The following SEMA6D variants were observed in gnomAD, a reference collection of about 807,000 sequenced individuals.
SEMA6D encodes the protein semaphorin 6D, also known as semaphorin-6D.
SEMA6D carries 35 observed loss-of-function variants against 106.6 expected under a neutral mutation model. That is an observed-to-expected ratio of 0.33 (90% CI 0.25 to 0.44). The LOEUF is 0.44. Among genes scored for constraint, SEMA6D ranks in the 20% least tolerant of loss-of-function variants. SEMA6D has a pLI of 1.00. For synonymous variants in SEMA6D, 499 were observed against 487.7 expected (o/e 1.02, Z -0.31); for missense variants, 1,185 against 1,345.9 (o/e 0.88, Z 1.87).
At chr15:47,581,308 A>G (rs763337076) in intron 3 of SEMA6D, 12 of 483,484 alleles carry the variant, frequency 2.5e-5, no homozygotes, top group Non-Finnish European at 4.5e-5. Context: ...TTCATGTGAC[A>G]TAGTGATTTT....
chr15:47,440,825 A>G lies in SEMA6D; in HGVS notation c.-159+28353A>G, dbSNP rs186268420. ...TAGAATATATGCATTCGAATAGTTT[A>G]GCACATAGAAAGGAAACAAGAAAAT... On this transcript the variant is annotated intron_variant, in intron 2 of 19. Transcript: ENST00000558014. 2.1e-3 allele frequency among the ~76,000 whole-genome samples: 323 copies of G among 152,220 alleles called. 13 individuals are homozygous for G. In the South Asian group the frequency reaches 0.049, roughly 23 times the overall value.
chr15:47,516,063 C>T (rs992258027), intron 3 of SEMA6D, among the ~76,000 whole-genome samples: 1 of 152,068 alleles, frequency 6.6e-6, no homozygotes, highest in Non-Finnish European at 1.5e-5. Context: ...CTTATAATCT[C>T]TTATAGGATT....
chr15:47,340,050 A>G (rs1338663637), intron 1 of SEMA6D, among the ~76,000 whole-genome samples: 2 of 152,144 alleles, frequency 1.3e-5, no homozygotes, highest in African/African-American at 4.8e-5. Flanking sequence ...GAAGAAGCTA[A>G]CCAAGTGGTT....
chr15:47,558,174 T>C (rs2045970240), intron 3 of SEMA6D, among the ~76,000 whole-genome samples: 1 of 152,150 alleles, frequency 6.6e-6, no homozygotes, highest in Admixed American at 6.6e-5. Context: ...TAACCTCCTC[T>C]GACTTCATAG....
At chr15:47,737,097 TAAG>T (rs1269229861) in intron 1 of SEMA6D, among the ~76,000 whole-genome samples, 1 of 151,984 alleles carries the variant, frequency 6.6e-6, no homozygotes, top group Non-Finnish European at 1.5e-5. Flanking sequence ...AAGTAGGAGG[TAAG>T]AAGGAAAAAG....
At chr15:47,483,509 GT>G (rs1413911575) in intron 3 of SEMA6D, among the ~76,000 whole-genome samples, 14 of 152,074 alleles carry the variant, frequency 9.2e-5, no homozygotes, top group Admixed American at 9.2e-4. Context: ...ATCTTGCCTG[GT>G]TTTGCCTACT....
At chr15:47,412,025 G>T (rs187705738) in intron 1 of SEMA6D, among the ~76,000 whole-genome samples, 1 of 152,088 alleles carries the variant, frequency 6.6e-6, no homozygotes, top group South Asian at 2.1e-4. Flanking sequence ...TTGCAGTCAC[G>T]TAAGCACATA....
At chr15:47,235,475 T>A (rs8035630) in intron 1 of SEMA6D, among the ~76,000 whole-genome samples, 2,437 of 152,140 alleles carry the variant, frequency 0.016, 72 homozygotes, top group African/African-American at 0.057. Flanking sequence ...TCTTAAAGTC[T>A]TTGATCCATT....
At chr15:47,219,349 G>C (rs148240187) in intron 1 of SEMA6D, among the ~76,000 whole-genome samples, 3 of 152,078 alleles carry the variant, frequency 2.0e-5, no homozygotes, top group Non-Finnish European at 2.9e-5. Context: ...TCTTTTAGGC[G>C]GTTACAGCTA....
chr15:47,607,090 G>C (rs986128159), intron 4 of SEMA6D, among the ~76,000 whole-genome samples: 2 of 146,300 alleles, frequency 1.4e-5, no homozygotes, highest in African/African-American at 5.3e-5. Context: ...TGAAAATTAT[G>C]ATAAGGACTT....
upstream of SEMA6D, among the ~76,000 whole-genome samples, chr15:47,716,823 G>T (rs770317057): frequency 1.2e-4 from 18 of 150,454 alleles, no homozygotes; most frequent in Non-Finnish European, 1.9e-4. Context: ...ATTCAAAGTA[G>T]AAATGGGATT....
intron 2 of SEMA6D, among the ~76,000 whole-genome samples, chr15:47,442,294 A>G (rs555337724): frequency 3.5e-4 from 53 of 152,120 alleles, no homozygotes; most frequent in African/African-American, 1.2e-3. Flanking sequence ...TCCTTTTCCT[A>G]TGTGGGGCAG....
At chr15:47,700,789 C>T (rs1002417592) in intron 4 of SEMA6D, among the ~76,000 whole-genome samples, 20 of 151,942 alleles carry the variant, frequency 1.3e-4, no homozygotes, top group African/African-American at 4.6e-4. Context: ...GGCAAAAGAA[C>T]AGACAAATAG....
intron 2 of SEMA6D, among the ~76,000 whole-genome samples, chr15:47,431,150 T>C (rs1209975858): frequency 6.6e-6 from 1 of 152,208 alleles, no homozygotes; most frequent in African/African-American, 2.4e-5. Context: ...GCTCATGGTC[T>C]CATTTTTGAG....
chr15:47,742,236 T>C (rs1203570815), intron 1 of SEMA6D, among the ~76,000 whole-genome samples: 2 of 152,232 alleles, frequency 1.3e-5, no homozygotes, highest in Non-Finnish European at 1.5e-5. Flanking sequence ...TTCACACTTG[T>C]ATAGCACCTT....
chr15:47,580,133 A>C (rs2076230859), intron 3 of SEMA6D, among the ~76,000 whole-genome samples: 1 of 152,168 alleles, frequency 6.6e-6, no homozygotes, highest in Non-Finnish European at 1.5e-5. Context: ...GAGTTAGTAG[A>C]GAATGATTAA....
intron 4 of SEMA6D, among the ~76,000 whole-genome samples, chr15:47,703,069 GTATT>G (rs935123949): frequency 6.6e-6 from 1 of 152,262 alleles, no homozygotes; most frequent in South Asian, 2.1e-4. Flanking sequence ...ATGTGAAAAT[GTATT>G]TATTTATTAA....
At chr15:47,390,147 C>T (rs1450950567) in intron 1 of SEMA6D, among the ~76,000 whole-genome samples, 1 of 152,078 alleles carries the variant, frequency 6.6e-6, no homozygotes, top group Non-Finnish European at 1.5e-5. Context: ...GGGCTGATCT[C>T]AGTGGGGCTT....
chr15:47,454,306 C>T (rs1408482885), intron 2 of SEMA6D, among the ~76,000 whole-genome samples: 1 of 151,988 alleles, frequency 6.6e-6, no homozygotes, highest in African/African-American at 2.4e-5. Flanking sequence ...CTGAATGTCG[C>T]TTAATTTCCA....
Sources: allele counts gnomAD v4.1 joint callset (sites outside exome capture counted in the v4.1 genomes callset), GRCh38; gene constraint gnomAD v4.1.1; transcripts MANE v1.5; gene names NCBI Gene and HGNC (gene_info 2026-07-23, HGNC 2026-07-21).